Variants in C2CD2 observed in about 807,000 individuals in gnomAD.
C2CD2 encodes the protein C2 domain-containing protein 2.
In C2CD2, 43 loss-of-function variants were observed where a neutral mutation model predicts 74.3. That is an observed-to-expected ratio of 0.58 (90% CI 0.45 to 0.75). The LOEUF is 0.75. Ranked by LOEUF, C2CD2 falls within the 30% of genes least tolerant of loss-of-function variation. C2CD2 has a pLI of 0.00. For synonymous variants in C2CD2, 422 were observed against 390.7 expected, an observed-to-expected ratio of 1.08 and a Z score of -0.94; for missense variants, 801 against 916.3, an observed-to-expected ratio of 0.87 and a Z score of 1.63.
chr21:41,934,916 G>C (rs1183127617), intron 2 of C2CD2, among the ~76,000 whole-genome samples: 1 of 151,742 alleles, frequency 6.6e-6, no homozygotes, highest in African/African-American at 2.4e-5. Flanking sequence ...TTCCCGAGTA[G>C]AGTCTGGCTT....
chr21:41,945,946 C>A lies in C2CD2; in HGVS notation c.280-3701G>T, dbSNP rs2065394589. ...GCAGTGTGAAAACAGACTGATACAA[C>A]AATATAATAAATAGTGATAGTATGG... On this transcript the variant is annotated intron_variant, in intron 1 of 13. Coordinates refer to ENST00000380486, the MANE Select transcript of C2CD2 (RefSeq NM_015500.2). The surrounding 1 kb of genome is among the most constrained non-coding windows in gnomAD (Gnocchi z 4.2). Among the ~76,000 whole-genome samples, 1 of 152,110 alleles carries A rather than the reference C, an allele frequency of 6.6e-6. No homozygotes were observed. The highest frequency in any genetic ancestry group is 2.1e-4 in the South Asian group (1 of 4,826).
At chr21:41,908,243 T>TTGTGTGTGTGTGTGTGTGTGTATGTG (rs10528071) in intron 8 of C2CD2, 3 of 168,698 alleles carry the variant, frequency 1.8e-5, no homozygotes, top group African/African-American at 5.1e-5. Context: ...TACCCTCAAG[T>TTGTGTGTGTGTGTGTGTGTGTATGTG]TGTGTGTGTG....
chr21:41,952,518 C>G (rs1166473122), intron 1 of C2CD2, among the ~76,000 whole-genome samples: 1 of 152,248 alleles, frequency 6.6e-6, no homozygotes, highest in Non-Finnish European at 1.5e-5. Context: ...CCCAAACCCA[C>G]CCAGGCTCCA....
Position 41,932,413 on chromosome 21 carries a change from C to T in C2CD2, c.378+9734G>A, listed in dbSNP as rs558087761. The stretch of plus-strand genomic sequence containing the variant: ...CCGCTCTAGTAAAATATGTGAACCT[C>T]AGTGGGGTGGGTTGGGGAAGTCTGC... On this transcript the variant is annotated intron_variant, in intron 2 of 13. Coordinates refer to ENST00000380486, the MANE Select transcript of C2CD2 (RefSeq NM_015500.2). Among the ~76,000 whole-genome samples, 25 of 137,166 alleles carry T rather than the reference C, an allele frequency of 1.8e-4. No individual in the cohort carries two copies. In the East Asian group the frequency reaches 5.1e-3, roughly 28 times the overall value. 90.0% of individuals were successfully genotyped at this position (137,166 alleles called of 152,430 possible).
chr21:41,910,846 T>A (rs2065018189), intron 7 of C2CD2, among the ~76,000 whole-genome samples: 1 of 152,262 alleles, frequency 6.6e-6, no homozygotes, highest in African/African-American at 2.4e-5. Flanking sequence ...TTCTACCTTA[T>A]ATCAATTATT....
At chr21:41,889,863 G>A (rs2064729864) in intron 13 of C2CD2, among the ~76,000 whole-genome samples, 1 of 152,080 alleles carries the variant, frequency 6.6e-6, no homozygotes, top group Admixed American at 6.6e-5. Flanking sequence ...TCGAACTCCT[G>A]ACCTCAGGTG....
chr21:41,926,467 GA>G lies in C2CD2; in HGVS notation c.379-4383del. On this transcript the variant is annotated intron_variant, in intron 2 of 13. Coordinates refer to ENST00000380486, the MANE Select transcript of C2CD2 (RefSeq NM_015500.2). This position sits in a 1 kb window ranked among gnomAD's most constrained non-coding sequence, Gnocchi z 8.0. ...GCAGATGGAAGCACCACGGGGAGGG[GA>G]AAACAAGACTGAAGGCTGAAGAGCA... 2.2e-6 allele frequency: 2 copies of G among 913,168 alleles called. No homozygotes were observed. The highest frequency in any genetic ancestry group is 2.6e-6 in the Non-Finnish European group (2 of 764,014). The allele number at this position is 913,168 out of a possible 1,614,324, so 56.6% of individuals were successfully genotyped here.
chr21:41,937,007 TGG>T (rs371999186), intron 2 of C2CD2, among the ~76,000 whole-genome samples: 2,114 of 149,974 alleles, frequency 0.014, 35 homozygotes, highest in African/African-American at 0.047. Flanking sequence ...TTAGTAGAGA[TGG>T]GGGGTTTCAC....
At position 41,942,202 on chromosome 21, in the gene C2CD2, G is replaced by GC; in HGVS notation, c.322dup (p.Ala108GlyfsTer72). The stretch of plus-strand genomic sequence containing the variant: ...GACCTCCTGCACCACCAGCTCCAGT[G>GC]CCTGCTGCCGCGGGTCCTCCTCAAA... On this transcript the variant is annotated frameshift_variant, in exon 2 of 14. Transcript: ENST00000380486. LOFTEE classifies it high-confidence loss of function. 1 of 1,549,526 alleles carries GC rather than the reference G, an allele frequency of 6.5e-7. No homozygotes were observed. Among genetic ancestry groups the GC allele is most frequent in the Non-Finnish European group, 8.7e-7 (1 of 1,146,808 alleles).
intron 2 of C2CD2, among the ~76,000 whole-genome samples, chr21:41,933,932 C>T (rs530129234): frequency 6.6e-6 from 1 of 152,074 alleles, no homozygotes. Flanking sequence ...AAAATTGTTG[C>T]AAAACAAAAC....
rs1235028760 is a variant in C2CD2 at position 41,887,345 on chromosome 21, C to T, written c.*1779G>A. On this transcript the variant is annotated 3_prime_UTR_variant, in exon 14 of 14. Coordinates refer to ENST00000380486, the MANE Select transcript of C2CD2 (RefSeq NM_015500.2). The stretch of plus-strand genomic sequence containing the variant: ...TAAAAACAAAGCAGGTTGGAAAAGT[C>T]ATTTTAAAGTCACTTGATAATTCCT... 5.3e-5 allele frequency: 8 copies of T among 152,184 alleles called. No homozygotes were observed. The South Asian group carries it at 1.7e-3, about 32-fold the overall frequency. 9.4% of individuals were successfully genotyped at this position (152,184 alleles called of 1,614,324 possible).
At position 41,926,327 on chromosome 21, in the gene C2CD2, C is replaced by CAA; in HGVS notation, c.379-4243_379-4242insTT. 3.2e-6 allele frequency: 1 copy of CAA among 310,550 alleles called. No homozygotes were observed. Among genetic ancestry groups the CAA allele is most frequent in the Non-Finnish European group, 4.7e-6 (1 of 212,938 alleles). The allele number at this position is 310,550 out of a possible 1,614,324, so 19.2% of individuals were successfully genotyped here. On this transcript the variant is annotated intron_variant, in intron 2 of 13. Coordinates refer to ENST00000380486, the MANE Select transcript of C2CD2 (RefSeq NM_015500.2). The surrounding 1 kb of genome is among the most constrained non-coding windows in gnomAD (Gnocchi z 8.0). ...AACAGCTTCCTCTCTGTATAAGTGA[C>CAA]AGAGTGTTTTTCGGAGTGGGGGGCT...
chr21:41,928,211 C>A (rs1262515945), intron 2 of C2CD2, among the ~76,000 whole-genome samples: 1 of 152,238 alleles, frequency 6.6e-6, no homozygotes, highest in Non-Finnish European at 1.5e-5. Context: ...ACCTCCTACG[C>A]CCCATGCTCT....
At chr21:41,932,420 G>T in intron 2 of C2CD2, among the ~76,000 whole-genome samples, 1 of 125,130 alleles carries the variant, frequency 8.0e-6, no homozygotes, top group Non-Finnish European at 1.8e-5. Flanking sequence ...CCTCAGTGGG[G>T]TGGGTTGGGG....
At chr21:41,940,369 T>C (rs907094827) in intron 2 of C2CD2, among the ~76,000 whole-genome samples, 7 of 152,102 alleles carry the variant, frequency 4.6e-5, no homozygotes, top group African/African-American at 1.7e-4. Flanking sequence ...GTTGCAAAAG[T>C]GTACATAAAA....
intron 5 of C2CD2, among the ~76,000 whole-genome samples, chr21:41,917,472 G>A (rs1327795339): frequency 6.6e-6 from 1 of 152,212 alleles, no homozygotes; most frequent in Non-Finnish European, 1.5e-5. Context: ...GTATGACTGA[G>A]AGAACTCACC....
chr21:41,905,651 T>TA, intron 11 of C2CD2, 73 bp downstream of exon 11: 1 of 781,348 alleles, frequency 1.3e-6, no homozygotes. Context: ...GAAAGGAAAA[T>TA]ACTTCATATC....
chr21:41,925,980 A>G (rs1056983633), intron 2 of C2CD2, among the ~76,000 whole-genome samples: 2 of 152,220 alleles, frequency 1.3e-5, no homozygotes, highest in African/African-American at 4.8e-5. Context: ...GTTCTATTCA[A>G]TTGACAGACT....
At chr21:41,925,890 C>T (rs1272793935) in intron 2 of C2CD2, among the ~76,000 whole-genome samples, 1 of 152,172 alleles carries the variant, frequency 6.6e-6, no homozygotes, top group African/African-American at 2.4e-5. Context: ...GATTTTGACC[C>T]TAGATCCTCC....
Sources: allele counts gnomAD v4.1 joint callset (sites outside exome capture counted in the v4.1 genomes callset), GRCh38; gene constraint gnomAD v4.1.1; non-coding constraint Gnocchi (gnomAD v3.1); transcripts MANE v1.5; gene names NCBI Gene and HGNC (gene_info 2026-07-23, HGNC 2026-07-21).